The following LRRC7 variants were observed in gnomAD, a reference collection of about 807,000 sequenced individuals.
The protein encoded by LRRC7 is leucine rich repeat containing 7.
LRRC7 carries 23 observed loss-of-function variants against 175.7 expected under a neutral mutation model. That is an observed-to-expected ratio of 0.13 (90% CI 0.09 to 0.19). The LOEUF (loss-of-function observed/expected upper bound fraction) is 0.19, where lower values mean the gene tolerates loss of function less well. LRRC7 is among the 10% of genes least tolerant of loss of function. The pLI is 1.00. For missense variants in LRRC7, 1,354 were observed against 1,904.7 expected (o/e 0.71, Z 5.38); for synonymous variants, 685 against 680.9 (o/e 1.01, Z -0.09).
chr1:69,606,859 G>T lies in LRRC7; in HGVS notation c.2+38218G>T, dbSNP rs1460419952. The T allele has an allele frequency of 2.6e-5, 4 of 152,096 alleles. No individual in the cohort carries two copies. The East Asian group carries it at 7.7e-4, about 29-fold the overall frequency. 9.4% of individuals were successfully genotyped at this position (152,096 alleles called of 1,614,324 possible). On this transcript the variant is annotated intron_variant, in intron 1 of 26. Transcript: ENST00000651989. ...TTTAGAGTTTTCTTTTTATTATTGG[G>T]AAATAGAAGATTTCAAGAAACAAAT...
intron 2 of LRRC7, among the ~76,000 whole-genome samples, chr1:69,759,347 T>A (rs1376267315): frequency 6.6e-6 from 1 of 151,966 alleles, no homozygotes; most frequent in Non-Finnish European, 1.5e-5. Flanking sequence ...AAGGCCTTAC[T>A]GTTTAGGAGG....
intron 1 of LRRC7, among the ~76,000 whole-genome samples, chr1:69,676,281 A>T (rs550683023): frequency 3.3e-5 from 5 of 152,190 alleles, no homozygotes; most frequent in African/African-American, 1.2e-4. Context: ...TACTAATCCT[A>T]GGAGACCCTC....
chr1:70,030,652 TGGAAGAGG>T (rs1658618556), intron 18 of LRRC7, among the ~76,000 whole-genome samples: 4 of 152,136 alleles, frequency 2.6e-5, no homozygotes, highest in Non-Finnish European at 5.9e-5. Flanking sequence ...GCAAAGGATA[TGGAAGAGG>T]GTATTATACA....
intron 3 of LRRC7, among the ~76,000 whole-genome samples, chr1:69,768,753 G>A (rs1051501966): frequency 9.2e-5 from 14 of 152,172 alleles, no homozygotes; most frequent in Admixed American, 3.3e-4. Context: ...GATCCTGGGA[G>A]TTGGGATGAC....
At chr1:69,964,794 A>G (rs1333863261) in intron 8 of LRRC7, among the ~76,000 whole-genome samples, 5 of 152,026 alleles carry the variant, frequency 3.3e-5, no homozygotes, top group Admixed American at 6.6e-5. Flanking sequence ...TCTTAAAACA[A>G]CTCTCAGATA....
chr1:69,735,435 A>G (rs913123634), intron 2 of LRRC7, among the ~76,000 whole-genome samples: 82 of 152,198 alleles, frequency 5.4e-4, no homozygotes, highest in African/African-American at 2.0e-3. Context: ...TAGATTATCC[A>G]TTTGGGCAAG....
At chr1:69,596,622 G>A (rs1229373723) in intron 1 of LRRC7, among the ~76,000 whole-genome samples, 2 of 152,190 alleles carry the variant, frequency 1.3e-5, no homozygotes, top group Admixed American at 1.3e-4. Flanking sequence ...TTTCTTTCAA[G>A]TGAACTGGAA....
intron 2 of LRRC7, among the ~76,000 whole-genome samples, chr1:69,694,914 CT>C (rs1662375890): frequency 6.6e-6 from 1 of 152,156 alleles, no homozygotes; most frequent in Admixed American, 6.5e-5. Flanking sequence ...TTATAAATTA[CT>C]CAGCCTCGGG....
chr1:69,904,701 A>C (rs2101678474), intron 7 of LRRC7, among the ~76,000 whole-genome samples: 1 of 152,228 alleles, frequency 6.6e-6, no homozygotes, highest in South Asian at 2.1e-4. Context: ...GTTCAGGGGT[A>C]CATGTGCAGG....
At chr1:69,942,574 T>C (rs1324019801) in intron 8 of LRRC7, among the ~76,000 whole-genome samples, 1 of 152,036 alleles carries the variant, frequency 6.6e-6, no homozygotes, top group Non-Finnish European at 1.5e-5. Context: ...CCATTTCTTC[T>C]CTTTTCCCAG....
Position 70,038,396 on chromosome 1 carries a change from C to T in LRRC7, c.2572C>T (p.Pro858Ser). Residue 858 changes from proline (P) to serine (S), a missense_variant, in exon 21 of 27, where the codon CCC becomes TCC. Coordinates refer to ENST00000651989, the MANE Select transcript of LRRC7 (RefSeq NM_001370785.2). ...CAGGCAAGACAGGATTGTTGGTGTT[C>T]CCCTGGAACTCGAGCAGTCTACACA... Reference protein sequence around the residue: ...LIRQDRIVGVPLELEQSTHRH... With the variant: ...LIRQDRIVGVSLELEQSTHRH... 1 of 1,613,994 alleles carries T rather than the reference C, an allele frequency of 6.2e-7. No homozygotes were observed. Among genetic ancestry groups the T allele is most frequent in the Admixed American group, 1.7e-5 (1 of 60,002 alleles).
chr1:70,063,324 G>GA (rs1485553041), intron 23 of LRRC7, among the ~76,000 whole-genome samples: 4 of 152,058 alleles, frequency 2.6e-5, no homozygotes, highest in Non-Finnish European at 5.9e-5. Flanking sequence ...TAACTCAATA[G>GA]CATTTATATT....
intron 2 of LRRC7, among the ~76,000 whole-genome samples, chr1:69,713,526 T>C: frequency 6.6e-6 from 1 of 151,976 alleles, no homozygotes; most frequent in East Asian, 1.9e-4. Context: ...TATTTTACTT[T>C]TTTTTTTAAC....
intron 3 of LRRC7, among the ~76,000 whole-genome samples, chr1:69,786,922 G>T (rs1293749501): frequency 6.6e-6 from 1 of 152,098 alleles, no homozygotes; most frequent in Admixed American, 6.5e-5. Flanking sequence ...ACTCATTTCA[G>T]CATTAACTCA....
intron 2 of LRRC7, among the ~76,000 whole-genome samples, chr1:69,690,338 T>C (rs1389682037): frequency 6.6e-6 from 1 of 152,170 alleles, no homozygotes; most frequent in Non-Finnish European, 1.5e-5. Context: ...TGAAAGTGTT[T>C]TCAGATCAAT....
intron 4 of LRRC7, among the ~76,000 whole-genome samples, chr1:69,813,296 A>G (rs1557763100): frequency 6.6e-6 from 1 of 152,068 alleles, no homozygotes; most frequent in Non-Finnish European, 1.5e-5. Context: ...GCTGAATTCA[A>G]CTCTCTAAGT....
At chr1:69,577,136 G>T (rs1053320193) in intron 1 of LRRC7, among the ~76,000 whole-genome samples, 1 of 152,136 alleles carries the variant, frequency 6.6e-6, no homozygotes, top group African/African-American at 2.4e-5. Context: ...CAGGGGACTG[G>T]ATACAAAGAT....
At chr1:69,749,114 C>T (rs1372210353) in intron 2 of LRRC7, among the ~76,000 whole-genome samples, 2 of 152,100 alleles carry the variant, frequency 1.3e-5, no homozygotes, top group Admixed American at 6.5e-5. Flanking sequence ...ACTGTCCTTA[C>T]ATGTATATTT....
chr1:69,924,820 G>A (rs192715412), intron 7 of LRRC7, among the ~76,000 whole-genome samples: 2 of 152,296 alleles, frequency 1.3e-5, no homozygotes, highest in Non-Finnish European at 2.9e-5. Context: ...GCCCTGGCCA[G>A]AATTTCCAAC....
Sources: gnomAD v4.1 joint callset for allele counts (sites outside exome capture counted in the v4.1 genomes callset) on GRCh38, gnomAD v4.1.1 for gene constraint, MANE v1.5 for transcripts, NCBI Gene and HGNC (gene_info 2026-07-23, HGNC 2026-07-21) for gene names.